Variants in ARL9 observed in about 807,000 individuals in gnomAD.
ARL9 encodes ADP-ribosylation factor-like protein 9.
ARL9 carries 14 observed loss-of-function variants against 27.0 expected under a neutral mutation model. That is an observed-to-expected ratio of 0.52 (90% CI 0.34 to 0.81). The LOEUF is 0.81. Among genes scored for constraint, ARL9 ranks in the 30% least tolerant of loss-of-function variants. The pLI is 0.01. For synonymous variants in ARL9, 106 were observed against 108.7 expected (o/e 0.98, Z 0.15); for missense variants, 294 against 290.0 (o/e 1.01, Z -0.10).
chr4:56,513,942 G>C (rs1721706611), intron 2 of ARL9, among the ~76,000 whole-genome samples: 1 of 152,156 alleles, frequency 6.6e-6, no homozygotes, highest in African/African-American at 2.4e-5. Context: ...GGCCGGGGCA[G>C]GTGGATTACT....
chr4:56,515,959 C>T (rs1721756221), intron 2 of ARL9, among the ~76,000 whole-genome samples: 1 of 152,130 alleles, frequency 6.6e-6, no homozygotes, highest in Non-Finnish European at 1.5e-5. Flanking sequence ...CTAAAATTTA[C>T]ATGGGTGAGC....
chr4:56,516,434 A>T (rs1475580775), intron 2 of ARL9, among the ~76,000 whole-genome samples: 1 of 152,124 alleles, frequency 6.6e-6, no homozygotes, highest in Non-Finnish European at 1.5e-5. Flanking sequence ...ACATCCAAGC[A>T]AATGCCTAGT....
At chr4:56,505,329 G>T (rs1206132244), upstream of ARL9, 2 of 455,826 alleles carry the variant, frequency 4.4e-6, no homozygotes, top group Non-Finnish European at 8.8e-6. Context: ...GAGCAGTACA[G>T]GCTCATGGTT....
chr4:56,516,555 C>T (rs1369849025), intron 2 of ARL9, among the ~76,000 whole-genome samples: 1 of 135,388 alleles, frequency 7.4e-6, no homozygotes, highest in Non-Finnish European at 1.6e-5. Flanking sequence ...AAATACTCCA[C>T]TTGATCAGTA....
rs1452404440 is a variant in ARL9, at chr4:56,511,367, G to A, written c.442+20G>A. ...TGGAGAGTAAGCTCTCTGTTCCTTA[G>A]TTATAAGATAGCCACATTTTATTGT... On this transcript the variant is annotated intron_variant, in intron 2 of 3. Coordinates refer to ENST00000640821, the MANE Select transcript of ARL9 (RefSeq NM_001363794.2). 6.9e-6 allele frequency: 11 copies of A among 1,591,346 alleles called. No homozygotes were observed. Among genetic ancestry groups the A allele is most frequent in the Non-Finnish European group, 9.4e-6 (11 of 1,166,448 alleles).
intron 1 of ARL9, among the ~76,000 whole-genome samples, chr4:56,509,301 G>A (rs1185649038): frequency 6.7e-6 from 1 of 149,178 alleles, no homozygotes; most frequent in Non-Finnish European, 1.5e-5. Flanking sequence ...CCGGGTTCAA[G>A]CAATTCTCAT....
intron 2 of ARL9, among the ~76,000 whole-genome samples, chr4:56,513,431 G>T (rs1020941668): frequency 2.6e-5 from 4 of 152,194 alleles, no homozygotes; most frequent in African/African-American, 9.7e-5. Context: ...GCACTAAAAA[G>T]TAGTGGCAAA....
At chr4:56,520,625 C>A (rs941399147) in intron 3 of ARL9, among the ~76,000 whole-genome samples, 2 of 152,086 alleles carry the variant, frequency 1.3e-5, no homozygotes, top group Admixed American at 6.6e-5. Flanking sequence ...TGCCACTGAA[C>A]TGTACACTTA....
chr4:56,520,779 T>A (rs73169316), intron 3 of ARL9, among the ~76,000 whole-genome samples: 1 of 152,160 alleles, frequency 6.6e-6, no homozygotes, highest in East Asian at 1.9e-4. Flanking sequence ...AATTCCTGAC[T>A]TTTCTCCTAC....
chr4:56,508,129 T>A (rs1019875008), intron 1 of ARL9, among the ~76,000 whole-genome samples: 12 of 152,138 alleles, frequency 7.9e-5, no homozygotes, highest in African/African-American at 2.9e-4. Context: ...TGGTGAAGAC[T>A]GACAGGACAC....
intron 2 of ARL9, among the ~76,000 whole-genome samples, chr4:56,516,956 G>A (rs916285184): frequency 6.6e-6 from 1 of 152,132 alleles, no homozygotes; most frequent in African/African-American, 2.4e-5. Context: ...AAAATAAAAA[G>A]AGGATGTGGA....
At chr4:56,519,347 C>T (rs1229141027) in intron 3 of ARL9, among the ~76,000 whole-genome samples, 1 of 152,140 alleles carries the variant, frequency 6.6e-6, no homozygotes, top group Non-Finnish European at 1.5e-5. Context: ...CACGGTGGCT[C>T]ACGCCTGTAA....
chr4:56,516,800 G>A (rs1019244387), intron 2 of ARL9, among the ~76,000 whole-genome samples: 2 of 151,934 alleles, frequency 1.3e-5, no homozygotes, highest in African/African-American at 2.4e-5. Context: ...ATGGTGGCTC[G>A]TGCTTGTAGT....
chr4:56,520,006 C>CTTT (rs1188540227), intron 3 of ARL9, among the ~76,000 whole-genome samples: 1 of 143,080 alleles, frequency 7.0e-6, no homozygotes, highest in African/African-American at 2.6e-5. Flanking sequence ...CCACTCCTGA[C>CTTT]TTTTTTTTTT....
chr4:56,515,704 T>C lies in ARL9; in HGVS notation c.443-2974T>C, dbSNP rs532756514. ...ATTGTATTTCTGTTATGCAGCAGCA[T>C]GTAGCCATTTTCAATAGCAACAAAA... On this transcript the variant is annotated intron_variant, in intron 2 of 3. Coordinates refer to ENST00000640821, the MANE Select transcript of ARL9 (RefSeq NM_001363794.2). Among the ~76,000 whole-genome samples the C allele has an allele frequency of 3.9e-5, 6 of 152,334 alleles. No homozygotes were observed. The East Asian group carries it at 1.2e-3, about 29-fold the overall frequency.
rs755007598 is a variant in ARL9, at chr4:56,523,693, G to A, written c.619-4G>A. 1 of 1,609,206 alleles carries A rather than the reference G, an allele frequency of 6.2e-7. No homozygotes were observed. Among genetic ancestry groups the A allele is most frequent in the African/African-American group, 1.3e-5 (1 of 74,824 alleles). On this transcript the variant is annotated splice_polypyrimidine_tract_variant and splice_region_variant and intron_variant, in intron 3 of 3. Transcript: ENST00000640821. ...GTCCTATTCTTATTCCACTCCGGAT[G>A]AAGGATCTTGAAGCAGCCTATCACA...
Position 56,509,865 on chromosome 4 carries a change from G to A in ARL9, c.280-1320G>A, listed in dbSNP as rs1307343157. Reference sequence around the variant, plus strand: ...TGGGACTACAGGTGCCTGCCACCACGCCTGGCTAATTTTTTGTATTTTAAG... The same window carrying A: ...TGGGACTACAGGTGCCTGCCACCACACCTGGCTAATTTTTTGTATTTTAAG... On this transcript the variant is annotated intron_variant, in intron 1 of 3. Coordinates refer to ENST00000640821, the MANE Select transcript of ARL9 (RefSeq NM_001363794.2). 9.2e-5 allele frequency among the ~76,000 whole-genome samples: 14 copies of A among 151,762 alleles called. 1 individual carries two copies. Among genetic ancestry groups the A allele is most frequent in the African/African-American group, 2.2e-4 (9 of 41,426 alleles).
intron 2 of ARL9, among the ~76,000 whole-genome samples, chr4:56,518,136 C>T (rs1433274800): frequency 3.3e-5 from 5 of 152,016 alleles, no homozygotes; most frequent in Non-Finnish European, 4.4e-5. Flanking sequence ...CCTCTCTAGT[C>T]GGTAGCACCA....
chr4:56,512,041 C>T lies in ARL9; in HGVS notation c.442+694C>T, dbSNP rs1342596933. Among the ~76,000 whole-genome samples the T allele has an allele frequency of 2.6e-5, 4 of 152,278 alleles. No individual in the cohort carries two copies. In the East Asian group the frequency reaches 7.7e-4, roughly 29 times the overall value. ...TTGCTCTAGCCAGAAACCTGGGAGT[C>T]ACCCTTGACTCCTCCTTTTGCATTC... On this transcript the variant is annotated intron_variant, in intron 2 of 3. Transcript: ENST00000640821.
Sources: allele counts gnomAD v4.1 joint callset (sites outside exome capture counted in the v4.1 genomes callset), GRCh38; gene constraint gnomAD v4.1.1; transcripts MANE v1.5; gene names NCBI Gene and HGNC (gene_info 2026-07-23, HGNC 2026-07-21).